The following COL4A6 variants were observed in gnomAD, a reference collection of about 807,000 sequenced individuals.
COL4A6 encodes collagen type IV alpha 6 chain, also known as collagen alpha-6(IV) chain.
Under a neutral mutation model 126.7 loss-of-function variants are expected in COL4A6, and 59 were observed. The ratio of observed to expected loss-of-function variants is 0.47; its 90% CI spans 0.38 to 0.58. The LOEUF (loss-of-function observed/expected upper bound fraction) is 0.58. Among genes scored for constraint, COL4A6 ranks in the 20% least tolerant of loss-of-function variants. The pLI is 0.00. For missense variants in COL4A6, 1,285 were observed against 1,337.3 expected (o/e 0.96, Z 0.61); for synonymous variants, 547 against 496.6 (o/e 1.10, Z -1.35).
At chrX:108,279,376 A>C (rs1243438898) in intron 3 of COL4A6, among the ~76,000 whole-genome samples, 1 of 111,573 alleles carries the variant, frequency 9.0e-6, no homozygotes, top group East Asian at 2.8e-4. Flanking sequence ...TAAACCAACA[A>C]AGATCAAAAG....
At chrX:108,384,101 A>G (rs1603199007) in intron 2 of COL4A6, 2 of 298,449 alleles carry the variant, frequency 6.7e-6, no homozygotes, top group Admixed American at 5.9e-5. Context: ...TCATCCATTC[A>G]TCTACCCATT....
At chrX:108,191,259 G>T in intron 19 of COL4A6, 134 bp downstream of exon 19, 1 of 774,168 alleles carries the variant, frequency 1.3e-6, no homozygotes, top group Non-Finnish European at 1.9e-6. Context: ...GGCCTTCATG[G>T]CTGCCCCTCT....
chrX:108,192,335 G>A, intron 18 of COL4A6, 138 bp downstream of exon 18: 1 of 432,491 alleles, frequency 2.3e-6, no homozygotes, highest in Non-Finnish European at 4.1e-6. Context: ...CTGGCAGTCG[G>A]GAACCTACTG....
chrX:108,288,674 G>T (rs2038075873), intron 3 of COL4A6, among the ~76,000 whole-genome samples: 1 of 110,448 alleles, frequency 9.1e-6, no homozygotes, highest in Non-Finnish European at 1.9e-5. Flanking sequence ...TTTAATTAGG[G>T]ATAATGCCTT....
intron 2 of COL4A6, among the ~76,000 whole-genome samples, chrX:108,318,155 C>T (rs1322002308): frequency 4.5e-5 from 5 of 111,441 alleles, no homozygotes; most frequent in African/African-American, 1.6e-4. Flanking sequence ...CAGAAAAGGC[C>T]TTTGACAAAA....
At chrX:108,414,022 A>G (rs2041383163) in intron 2 of COL4A6, among the ~76,000 whole-genome samples, 1 of 112,361 alleles carries the variant, frequency 8.9e-6, no homozygotes, top group South Asian at 3.7e-4. Flanking sequence ...GACATGGAAA[A>G]TGCAGTGTAT....
intron 3 of COL4A6, chrX:108,267,628 C>T (rs1277019159): frequency 2.7e-5 from 3 of 112,510 alleles, no homozygotes; most frequent in African/African-American, 9.7e-5. Context: ...CATGTACATA[C>T]ATACACACAT....
Position 108,339,293 on chromosome X carries a change from T to C in COL4A6, c.64-28465A>G, listed in dbSNP as rs142673616. 2.0e-4 allele frequency among the ~76,000 whole-genome samples: 23 copies of C among 112,260 alleles called. No individual in the cohort carries two copies. The East Asian group carries it at 5.9e-3, about 29-fold the overall frequency. On this transcript the variant is annotated intron_variant, in intron 2 of 44. Coordinates refer to ENST00000334504, the MANE Select transcript of COL4A6 (RefSeq NM_033641.4). ...TAAGTTTATAGAAATAACTCTACAA[T>C]TAACTGAAAACCAATATTAAGACCT...
At chrX:108,345,251 A>T (rs1479947778) in intron 2 of COL4A6, among the ~76,000 whole-genome samples, 1 of 111,921 alleles carries the variant, frequency 8.9e-6, no homozygotes, top group African/African-American at 3.2e-5. Context: ...TTTTCAGATG[A>T]CTTTTAGTAT....
chrX:108,156,784 A>G lies in COL4A6; in HGVS notation c.*216T>C. On this transcript the variant is annotated 3_prime_UTR_variant, in exon 45 of 45. Coordinates refer to ENST00000334504, the MANE Select transcript of COL4A6 (RefSeq NM_033641.4). ...CAAATCAAACAGTAGCACCAGCTTGACAGAAACAGGACAGCAGATCTCAGC... is the reference window on the plus strand; with the variant it reads ...CAAATCAAACAGTAGCACCAGCTTGGCAGAAACAGGACAGCAGATCTCAGC... 2.3e-6 allele frequency: 1 copy of G among 436,850 alleles called. No homozygotes were observed. 36.0% of individuals were successfully genotyped at this position (436,850 alleles called of 1,213,427 possible).
rs183569177 is a variant in COL4A6, at chrX:108,437,960, G to C, written c.45C>G (p.Thr15=). ...LWLLLVTLCL[T]EELAAAGEKS... is the part of the protein sequence containing the mutation. ...GACTCACCGCTGCTGCCAGTTCCTCGGTCAGGCACAACGTAACCAGGAGCA... is the reference window on the plus strand; with the variant it reads ...GACTCACCGCTGCTGCCAGTTCCTCCGTCAGGCACAACGTAACCAGGAGCA... Residue 15 remains threonine, a synonymous_variant, in exon 2 of 45, where the codon ACC becomes ACG. Transcript: ENST00000334504. 2 of 1,208,883 alleles carry C rather than the reference G, an allele frequency of 1.7e-6. No homozygotes were observed. The highest frequency in any genetic ancestry group is 3.0e-5 in the East Asian group (1 of 33,728).
intron 2 of COL4A6, among the ~76,000 whole-genome samples, chrX:108,346,030 GA>G (rs1206313280): frequency 2.7e-5 from 3 of 111,176 alleles, no homozygotes; most frequent in Non-Finnish European, 5.7e-5. Context: ...AGCAACACAA[GA>G]GGGGAAACCA....
chrX:108,157,481 T>C (rs1252096810), intron 44 of COL4A6, among the ~76,000 whole-genome samples: 1 of 111,339 alleles, frequency 9.0e-6, no homozygotes, highest in Non-Finnish European at 1.9e-5. Context: ...AGTGCCCCCT[T>C]CCAAGCTCCC....
chrX:108,386,267 T>C (rs1319986657), intron 2 of COL4A6, among the ~76,000 whole-genome samples: 1 of 112,125 alleles, frequency 8.9e-6, no homozygotes, highest in Non-Finnish European at 1.9e-5. Context: ...ATGGTATTTC[T>C]AGTTCTAGAT....
Position 108,193,621 on chromosome X carries a change from G to C in COL4A6, c.1072+7C>G. ...TATTTTCCACTCAAATTAATGAGAA[G>C]TTGCACCTGAGATCACAGCACCATC... On this transcript the variant is annotated splice_region_variant and intron_variant, in intron 17 of 44. Coordinates refer to ENST00000334504, the MANE Select transcript of COL4A6 (RefSeq NM_033641.4). 8.4e-7 allele frequency: 1 copy of C among 1,194,321 alleles called. No homozygotes were observed. The highest frequency in any genetic ancestry group is 1.1e-6 in the Non-Finnish European group (1 of 881,248).
intron 3 of COL4A6, among the ~76,000 whole-genome samples, chrX:108,291,847 G>A (rs898417713): frequency 2.7e-5 from 3 of 111,797 alleles, no homozygotes; most frequent in Non-Finnish European, 5.6e-5. Flanking sequence ...ACCTTGGAGA[G>A]CACTTTAAAG....
At chrX:108,359,953 A>G (rs991560845) in intron 2 of COL4A6, among the ~76,000 whole-genome samples, 1 of 112,200 alleles carries the variant, frequency 8.9e-6, no homozygotes, top group Admixed American at 9.4e-5. Flanking sequence ...TAGCTGCTAG[A>G]AGACTGGACA....
intron 26 of COL4A6, 139 bp from the exon 27 acceptor site, chrX:108,178,984 T>A: frequency 1.3e-6 from 1 of 779,104 alleles, no homozygotes; most frequent in Non-Finnish European, 1.8e-6. Flanking sequence ...CGTAACCCAG[T>A]CTTTGCAAGA....
Position 108,192,561 on chromosome X carries a change from ACCAGGATCT to A in COL4A6, c.1083_1091del (p.Asp362_Gly364del). Reference sequence around the variant, plus strand: ...CTTTAAGGCCTGGGAGGCCAGGTACACCAGGATCTCCAGGATTACCTGGCATTGTAATGA... The same window carrying A: ...CTTTAAGGCCTGGGAGGCCAGGTACACCAGGATTACCTGGCATTGTAATGA... On this transcript the variant is annotated inframe_deletion, in exon 18 of 45. Coordinates refer to ENST00000334504, the MANE Select transcript of COL4A6 (RefSeq NM_033641.4). 8.3e-7 allele frequency: 1 copy of A among 1,197,818 alleles called. No homozygotes were observed. The highest frequency in any genetic ancestry group is 1.1e-6 in the Non-Finnish European group (1 of 885,083).
Sources: gnomAD v4.1 joint callset for allele counts (sites outside exome capture counted in the v4.1 genomes callset) on GRCh38, gnomAD v4.1.1 for gene constraint, MANE v1.5 for transcripts, NCBI Gene and HGNC (gene_info 2026-07-23, HGNC 2026-07-21) for gene names.